Variants in REEP1 observed in about 807,000 individuals in gnomAD.
REEP1 encodes the protein receptor accessory protein 1.
REEP1 carries 22 observed loss-of-function variants against 40.3 expected under a neutral mutation model. The observed-to-expected ratio is 0.55, with a 90% CI of 0.39 to 0.78. The LOEUF is 0.78. REEP1 is among the 30% of genes least tolerant of loss of function. The probability of loss-of-function intolerance (pLI) is 0.00; values close to 1 mark genes in which losing one functional copy is unlikely to be tolerated. For missense variants in REEP1, 280 were observed against 361.1 expected (o/e 0.78, Z 1.82); for synonymous variants, 116 against 139.2 (o/e 0.83, Z 1.17).
chr2:86,330,329 C>T (rs181130643), intron 1 of REEP1, among the ~76,000 whole-genome samples: 172 of 151,814 alleles, frequency 1.1e-3, no homozygotes, highest in Non-Finnish European at 2.0e-3. Flanking sequence ...TGGCCAATGA[C>T]ATGTGAGCAG....
chr2:86,288,932 A>G (rs1678554523), intron 1 of REEP1, among the ~76,000 whole-genome samples: 1 of 152,082 alleles, frequency 6.6e-6, no homozygotes, highest in Non-Finnish European at 1.5e-5. Flanking sequence ...ATATCCCTCC[A>G]TTAGTTTATC....
intron 1 of REEP1, among the ~76,000 whole-genome samples, chr2:86,309,373 G>A (rs1353463131): frequency 6.6e-6 from 1 of 152,212 alleles, no homozygotes; most frequent in East Asian, 1.9e-4. Flanking sequence ...CCACTCTCAG[G>A]AGAGACCTGA....
At chr2:86,219,634 A>C (rs1187488385) in intron 8 of REEP1, among the ~76,000 whole-genome samples, 2 of 151,836 alleles carry the variant, frequency 1.3e-5, no homozygotes, top group Non-Finnish European at 2.9e-5. Context: ...TCAGTAGATA[A>C]GGGGTTTTGC....
At chr2:86,265,025 A>T (rs1398681693) in intron 2 of REEP1, among the ~76,000 whole-genome samples, 1 of 152,232 alleles carries the variant, frequency 6.6e-6, no homozygotes, top group Non-Finnish European at 1.5e-5. Context: ...GAAAAATCTC[A>T]GAATTAGGGA....
At chr2:86,297,624 A>C in intron 1 of REEP1, 3 of 850,924 alleles carry the variant, frequency 3.5e-6, no homozygotes, top group Non-Finnish European at 4.2e-6. Flanking sequence ...ACTACCTGCA[A>C]GAGAGATTCT....
At position 86,227,340 on chromosome 2, in the gene REEP1, G is replaced by A. The variant is rs1427047216; in HGVS notation, c.631+23C>T. ...TCCGAGTGAGAGTCCAGCACGCTGCGGAGAGGCTGGCTGCTTACTCACCTT... is the reference window on the plus strand; with the variant it reads ...TCCGAGTGAGAGTCCAGCACGCTGCAGAGAGGCTGGCTGCTTACTCACCTT... On this transcript the variant is annotated intron_variant, in intron 7 of 8. Coordinates refer to ENST00000538924, the MANE Select transcript of REEP1 (RefSeq NM_001371279.1). 17 of 1,232,116 alleles carry A rather than the reference G, an allele frequency of 1.4e-5. No homozygotes were observed. The South Asian group carries it at 1.6e-4, about 12-fold the overall frequency. 76.3% of individuals were successfully genotyped at this position (1,232,116 alleles called of 1,614,324 possible).
chr2:86,290,375 A>G (rs975648930), intron 1 of REEP1, among the ~76,000 whole-genome samples: 4 of 152,202 alleles, frequency 2.6e-5, no homozygotes, highest in Non-Finnish European at 5.9e-5. Context: ...ACACAACTGT[A>G]TAAGTTTGCC....
At chr2:86,226,093 C>CCACCACCACCACCACCACCACCATCAT (rs1338836280) in intron 7 of REEP1, among the ~76,000 whole-genome samples, 1 of 143,208 alleles carries the variant, frequency 7.0e-6, no homozygotes, top group Non-Finnish European at 1.5e-5. Flanking sequence ...ACCACCACCA[C>CCACCACCACCACCACCACCACCATCAT]CACCACCACC....
intron 1 of REEP1, among the ~76,000 whole-genome samples, chr2:86,301,807 A>AC (rs1057149328): frequency 6.6e-6 from 1 of 152,224 alleles, no homozygotes; most frequent in African/African-American, 2.4e-5. Flanking sequence ...TAACACTTCA[A>AC]CAGATGCACC....
intron 5 of REEP1, among the ~76,000 whole-genome samples, chr2:86,239,427 G>C (rs748984425): frequency 3.3e-5 from 5 of 152,122 alleles, no homozygotes; most frequent in Non-Finnish European, 5.9e-5. Context: ...TCTAATGCCT[G>C]CTACTGAGGA....
chr2:86,238,750 C>T lies in REEP1; in HGVS notation c.418-5948G>A, dbSNP rs137945847. Among the ~76,000 whole-genome samples, 520 of 152,228 alleles carry T rather than the reference C, an allele frequency of 3.4e-3. 9 individuals are homozygous for T. The highest frequency in any genetic ancestry group is 6.6e-4 in the Non-Finnish European group (45 of 68,020). On this transcript the variant is annotated intron_variant, in intron 5 of 8. Transcript: ENST00000538924. ...AGGCAAGGCATCCCAGAGGAGACTGCGCTTGAACTTGGGTGGGTGGAGGAC... is the reference window on the plus strand; with the variant it reads ...AGGCAAGGCATCCCAGAGGAGACTGTGCTTGAACTTGGGTGGGTGGAGGAC...
At chr2:86,256,898 A>G (rs1274160643) in intron 3 of REEP1, among the ~76,000 whole-genome samples, 1 of 152,126 alleles carries the variant, frequency 6.6e-6, no homozygotes, top group Non-Finnish European at 1.5e-5. Context: ...CGATCAGAAA[A>G]TCAAAAACAG....
chr2:86,259,856 G>A (rs1353250005), intron 3 of REEP1, among the ~76,000 whole-genome samples: 1 of 152,192 alleles, frequency 6.6e-6, no homozygotes, highest in African/African-American at 2.4e-5. Flanking sequence ...GGGAGAAGTG[G>A]GAAGAGGGGA....
chr2:86,301,456 TA>T (rs1679253377), intron 1 of REEP1, among the ~76,000 whole-genome samples: 2 of 152,242 alleles, frequency 1.3e-5, no homozygotes. Context: ...TGAACTTCTC[TA>T]AGATTCAGTC....
intron 1 of REEP1, among the ~76,000 whole-genome samples, chr2:86,291,585 C>G (rs1371833622): frequency 1.3e-5 from 2 of 152,054 alleles, no homozygotes; most frequent in African/African-American, 4.8e-5. Flanking sequence ...TTGCTTATTT[C>G]CTCATCTGAT....
At chr2:86,335,850 CAAA>C (rs5832681) in intron 1 of REEP1, among the ~76,000 whole-genome samples, 23 of 80,572 alleles carry the variant, frequency 2.9e-4, no homozygotes, top group Non-Finnish European at 4.4e-4. Context: ...GACTCGGTCT[CAAA>C]AAAAAAAAAA....
chr2:86,246,930 A>G (rs893794068), intron 5 of REEP1, among the ~76,000 whole-genome samples: 4 of 151,446 alleles, frequency 2.6e-5, no homozygotes, highest in African/African-American at 7.3e-5. Flanking sequence ...CAAACACCCA[A>G]CCTCAGGTGA....
At chr2:86,282,634 T>C (rs192875677) in intron 1 of REEP1, among the ~76,000 whole-genome samples, 96 of 152,174 alleles carry the variant, frequency 6.3e-4, no homozygotes, top group African/African-American at 2.0e-3. Flanking sequence ...CATCAAAACC[T>C]TTCCCCTCAA....
At position 86,266,650 on chromosome 2, in the gene REEP1, T is replaced by TA. The variant is rs929060651; in HGVS notation, c.106-2610dup. On this transcript the variant is annotated intron_variant, in intron 2 of 8. Transcript: ENST00000538924. ...CAAAAAATAAAAATAAAAATAAAAATAAAAAAAATAAAATAAATAAATAAA... is the reference window on the plus strand; with the variant it reads ...CAAAAAATAAAAATAAAAATAAAAATAAAAAAAAATAAAATAAATAAATAAA... 9.6e-5 allele frequency among the ~76,000 whole-genome samples: 14 copies of TA among 145,894 alleles called. No individual in the cohort carries two copies. The East Asian group carries it at 1.2e-3, about 12-fold the overall frequency.
Sources: gnomAD v4.1 joint callset for allele counts (sites outside exome capture counted in the v4.1 genomes callset) on GRCh38, gnomAD v4.1.1 for gene constraint, MANE v1.5 for transcripts, NCBI Gene and HGNC (gene_info 2026-07-23, HGNC 2026-07-21) for gene names.